Variants in OR6J1 observed in about 807,000 individuals in gnomAD.
OR6J1 encodes olfactory receptor family 6 subfamily J member 1, also known as olfactory receptor 6J1.
For missense variants in OR6J1, 304 were observed against 166.8 expected (o/e 1.82, Z -4.53); for synonymous variants, 109 against 70.0 (o/e 1.56, Z -2.78).
chr14:22,638,552 G>C (rs2037613697), intron 1 of OR6J1, among the ~76,000 whole-genome samples: 1 of 98,786 alleles, frequency 1.0e-5, no homozygotes, highest in South Asian at 2.8e-4. Flanking sequence ...GAAAACCAGA[G>C]ACCTTTGTTC....
intron 1 of OR6J1, among the ~76,000 whole-genome samples, chr14:22,636,588 T>A (rs1462643700): frequency 1.6e-5 from 2 of 121,932 alleles, no homozygotes; most frequent in African/African-American, 8.7e-5. Flanking sequence ...TTTTCGTTTT[T>A]TTTTTTTGGT....
chr14:22,633,793 A>C lies in OR6J1; in HGVS notation c.1019T>G (p.Val340Gly). 2 of 695,262 alleles carry C rather than the reference A, an allele frequency of 2.9e-6. No homozygotes were observed. Among genetic ancestry groups the C allele is most frequent in the Non-Finnish European group, 5.2e-6 (2 of 381,028 alleles). 43.1% of individuals were successfully genotyped at this position (695,262 alleles called of 1,614,324 possible). ...CTAACACTGGAGCTTTACAGAATAG[A>C]CACATGGTGGAGAAGAGCAAGCCCT... ...QGRACSSPPC[V>G]YSVKLQC The change falls in exon 2 of 2, where the codon GTC (valine) becomes GGC (glycine). Residue 340 changes from valine (V) to glycine (G), a missense_variant. Physicochemically the swap from Val to Gly is moderately radical, Grantham distance 109. Coordinates refer to ENST00000540461, the MANE Select transcript of OR6J1 (RefSeq NM_001348233.2).
Position 22,634,187 on chromosome 14 carries a change from A to C in OR6J1, c.625T>G (p.Cys209Gly), listed in dbSNP as rs1356975781. 1.4e-6 allele frequency: 1 copy of C among 703,524 alleles called. No individual in the cohort carries two copies. The highest frequency in any genetic ancestry group is 2.0e-5 in the Admixed American group (1 of 50,024). 43.6% of individuals were successfully genotyped at this position (703,524 alleles called of 1,614,324 possible). A position where few individuals can be genotyped will look rare whatever the true frequency, so the allele number is the denominator to read the frequency against. Residue 209 changes from cysteine to glycine, a missense_variant, in exon 2 of 2, where the codon TGC becomes GGC. Coordinates refer to ENST00000540461, the MANE Select transcript of OR6J1 (RefSeq NM_001348233.2). ...TAGGAATAGGCCACGAGGACTATGCAGCAGAGGATGACCATGGAAGAAAGC... is the reference window on the plus strand; with the variant it reads ...TAGGAATAGGCCACGAGGACTATGCCGCAGAGGATGACCATGGAAGAAAGC... Reference protein sequence around the residue: ...FMLSSMVILCCIVLVAYSYTY... With the variant: ...FMLSSMVILCGIVLVAYSYTY...
In OR6J1 at chr14:22,637,145, T is replaced by C. The variant is rs1177549487; in HGVS notation, c.-27-2307A>G. Among the ~76,000 whole-genome samples, 30 of 103,222 alleles carry C rather than the reference T, an allele frequency of 2.9e-4. 1 individual carries two copies. Among genetic ancestry groups the C allele is most frequent in the African/African-American group, 5.9e-4 (9 of 15,262 alleles). The allele number at this position is 103,222 out of a possible 152,430, so 67.7% of individuals were successfully genotyped here. A position where few individuals can be genotyped will look rare whatever the true frequency, so the allele number is the denominator to read the frequency against. On this transcript the variant is annotated intron_variant, in intron 1 of 1. Transcript: ENST00000540461. Reference sequence around the variant, plus strand: ...GAGGAGCGTCTCTGCCCGGCCGCCCTGTCTGAGAAGTGAGGAAACCCTCTG... The same window carrying C: ...GAGGAGCGTCTCTGCCCGGCCGCCCCGTCTGAGAAGTGAGGAAACCCTCTG...
intron 1 of OR6J1, among the ~76,000 whole-genome samples, chr14:22,641,377 G>A: frequency 1.2e-5 from 1 of 82,180 alleles, no homozygotes; most frequent in South Asian, 4.5e-4. Flanking sequence ...GGGGAGAGAA[G>A]AAAGAAAGAG....
At chr14:22,638,856 G>T (rs1223825511) in intron 1 of OR6J1, among the ~76,000 whole-genome samples, 1 of 91,828 alleles carries the variant, frequency 1.1e-5, no homozygotes, top group African/African-American at 5.4e-5. Flanking sequence ...CCGCCCGGCC[G>T]CCATCCCATC....
At chr14:22,635,615 C>T (rs184653126) in intron 1 of OR6J1, among the ~76,000 whole-genome samples, 3 of 152,218 alleles carry the variant, frequency 2.0e-5, no homozygotes, top group Non-Finnish European at 1.5e-5. Context: ...GGCAAGATGG[C>T]ATTGGCACAA....
Position 22,644,087 on chromosome 14 carries a change from T to C in OR6J1, c.-28+11A>G, listed in dbSNP as rs1020461148. 2 of 152,414 alleles carry C rather than the reference T, an allele frequency of 1.3e-5. No individual in the cohort carries two copies. The highest frequency in any genetic ancestry group is 4.8e-5 in the African/African-American group (2 of 41,444). 9.4% of individuals were successfully genotyped at this position (152,414 alleles called of 1,614,324 possible). On this transcript the variant is annotated intron_variant, in intron 1 of 1. Coordinates refer to ENST00000540461, the MANE Select transcript of OR6J1 (RefSeq NM_001348233.2). Reference sequence around the variant, plus strand: ...CAGCCCCCAAATGCCAAACGATTGGTCTGCACTCACCTCGGCTAGGGTTGC... The same window carrying C: ...CAGCCCCCAAATGCCAAACGATTGGCCTGCACTCACCTCGGCTAGGGTTGC...
Position 22,634,502 on chromosome 14 carries a change from A to T in OR6J1, c.310T>A (p.Phe104Ile), listed in dbSNP as rs756747314. The T allele has an allele frequency of 1.4e-6, 1 of 703,442 alleles. No homozygotes were observed. Among genetic ancestry groups the T allele is most frequent in the Non-Finnish European group, 2.6e-6 (1 of 384,920 alleles). The allele number at this position is 703,442 out of a possible 1,614,324, so 43.6% of individuals were successfully genotyped here. ...AGCITQCYFY[F>I]FLGTVEFLLL... ...AGGAACTCAACTGTGCCCAAGAAAA[A>T]GTAGAAATAGCACTGGGTGATACAT... Residue 104 changes from phenylalanine to isoleucine, a missense_variant, in exon 2 of 2, where the codon TTT becomes ATT. Physicochemically the swap from Phe to Ile is conservative, Grantham distance 21. Coordinates refer to ENST00000540461, the MANE Select transcript of OR6J1 (RefSeq NM_001348233.2).
chr14:22,639,285 C>T lies in OR6J1; in HGVS notation c.-27-4447G>A, dbSNP rs1250553058. On this transcript the variant is annotated intron_variant, in intron 1 of 1. Coordinates refer to ENST00000540461, the MANE Select transcript of OR6J1 (RefSeq NM_001348233.2). ...GCCGCCCCGTCCGGGAGGTGAGGGGCGCCTCTGCCCGGCCGCCCCTACTGG... is the reference window on the plus strand; with the variant it reads ...GCCGCCCCGTCCGGGAGGTGAGGGGTGCCTCTGCCCGGCCGCCCCTACTGG... Among the ~76,000 whole-genome samples, 7 of 127,842 alleles carry T rather than the reference C, an allele frequency of 5.5e-5. No homozygotes were observed. In the East Asian group the frequency reaches 8.3e-4, roughly 15 times the overall value. 83.9% of individuals were successfully genotyped at this position (127,842 alleles called of 152,430 possible).
Position 22,633,231 on chromosome 14 carries a change from G to A in OR6J1, c.*537C>T, listed in dbSNP as rs2037558799. ...GGCCATGTCTTACATAACGACATGAGCATATTGGATATTATGAACATGTTC... is the reference window on the plus strand; with the variant it reads ...GGCCATGTCTTACATAACGACATGAACATATTGGATATTATGAACATGTTC... On this transcript the variant is annotated 3_prime_UTR_variant, in exon 2 of 2. Transcript: ENST00000540461. 6.4e-6 allele frequency: 1 copy of A among 155,390 alleles called. No individual in the cohort carries two copies. 9.6% of individuals were successfully genotyped at this position (155,390 alleles called of 1,614,324 possible).
At chr14:22,638,660 A>T (rs1225083676) in intron 1 of OR6J1, among the ~76,000 whole-genome samples, 3,199 of 43,826 alleles carry the variant, frequency 0.073, 836 homozygotes, top group African/African-American at 0.43. Flanking sequence ...AAAAAAAATA[A>T]AAATAAAAAA....
chr14:22,637,865 G>GC (rs1176154939), intron 1 of OR6J1, among the ~76,000 whole-genome samples: 1 of 35,428 alleles, frequency 2.8e-5, no homozygotes, highest in African/African-American at 2.5e-4. Flanking sequence ...GAGGCGGGGG[G>GC]GGTGGGGTCG....
Sources: gnomAD v4.1 joint callset for allele counts (sites outside exome capture counted in the v4.1 genomes callset) on GRCh38, gnomAD v4.1.1 for gene constraint, MANE v1.5 for transcripts, NCBI Gene and HGNC (gene_info 2026-07-23, HGNC 2026-07-21) for gene names.